The following PIK3C2G variants were observed in gnomAD, a reference collection of about 807,000 sequenced individuals.
PIK3C2G encodes phosphatidylinositol 3-kinase C2 domain-containing subunit gamma.
PIK3C2G carries 168 observed loss-of-function variants against 181.1 expected under a neutral mutation model. The observed-to-expected ratio is 0.93, with a 90% CI of 0.82 to 1.05. PIK3C2G has a LOEUF of 1.05. PIK3C2G is among the 50% of genes least tolerant of loss of function. PIK3C2G has a pLI of 0.00. For synonymous variants in PIK3C2G, 573 were observed against 592.2 expected (o/e 0.97, Z 0.47); for missense variants, 1,869 against 1,732.8 (o/e 1.08, Z -1.40).
At chr12:18,634,079 C>A (rs1205466504) in intron 31 of PIK3C2G, among the ~76,000 whole-genome samples, 1 of 152,142 alleles carries the variant, frequency 6.6e-6, no homozygotes. Context: ...GGCAAGGTAT[C>A]ACCACCTAAC....
At chr12:18,303,372 T>C (rs1950291023) in intron 5 of PIK3C2G, among the ~76,000 whole-genome samples, 1 of 151,428 alleles carries the variant, frequency 6.6e-6, no homozygotes, top group Admixed American at 6.6e-5. Flanking sequence ...TCTCACTCTG[T>C]CACCCAGGCT....
At chr12:18,504,998 T>C (rs1941728013) in intron 23 of PIK3C2G, among the ~76,000 whole-genome samples, 1 of 152,172 alleles carries the variant, frequency 6.6e-6, no homozygotes, top group Non-Finnish European at 1.5e-5. Context: ...AAAATGACAC[T>C]AGGAAACCTC....
intron 31 of PIK3C2G, among the ~76,000 whole-genome samples, chr12:18,637,400 A>ATTTT (rs35836229): frequency 3.4e-5 from 5 of 146,850 alleles, no homozygotes; most frequent in African/African-American, 1.0e-4. Context: ...TGACCTAGAT[A>ATTTT]TTTTTTTTTT....
intron 10 of PIK3C2G, 81 bp from the exon 11 acceptor site, chr12:18,346,560 T>C (rs1037718327): frequency 1.3e-6 from 1 of 760,952 alleles, no homozygotes; most frequent in Admixed American, 2.4e-5. Flanking sequence ...TTGTATTATA[T>C]GACATTTCAA....
chr12:18,435,396 A>G (rs1231108510), intron 18 of PIK3C2G, among the ~76,000 whole-genome samples: 1 of 151,444 alleles, frequency 6.6e-6, no homozygotes, highest in African/African-American at 2.4e-5. Context: ...CAGTCCATCC[A>G]TCCTCCACAC....
intron 24 of PIK3C2G, among the ~76,000 whole-genome samples, chr12:18,537,371 C>T (rs1441240487): frequency 7.2e-5 from 11 of 152,128 alleles, no homozygotes; most frequent in South Asian, 2.1e-4. Context: ...AGTGGTAATT[C>T]CTCCAACAGG....
chr12:18,570,336 G>GATATAGATAGATACATC (rs1555132238), intron 29 of PIK3C2G, among the ~76,000 whole-genome samples: 5 of 150,924 alleles, frequency 3.3e-5, no homozygotes, highest in African/African-American at 9.8e-5. Flanking sequence ...AGCCTCCCCA[G>GATATAGATAGATACATC]TAGCTGGGAT....
chr12:18,288,253 A>AGG (rs1278065273), intron 3 of PIK3C2G, among the ~76,000 whole-genome samples: 1 of 152,194 alleles, frequency 6.6e-6, no homozygotes, highest in East Asian at 1.9e-4. Context: ...TATAATAACT[A>AGG]TACATTTTTA....
chr12:18,524,026 C>A (rs1943076575), intron 24 of PIK3C2G, among the ~76,000 whole-genome samples: 1 of 152,186 alleles, frequency 6.6e-6, no homozygotes, highest in African/African-American at 2.4e-5. Flanking sequence ...AGATGAAGAG[C>A]AACCCCCACA....
intron 1 of PIK3C2G, among the ~76,000 whole-genome samples, chr12:18,254,991 G>A (rs2136965925): frequency 6.6e-6 from 1 of 152,150 alleles, no homozygotes; most frequent in African/African-American, 2.4e-5. Flanking sequence ...CACTTTGGGA[G>A]GCTGAGACGG....
chr12:18,584,514 G>A (rs114114375), intron 29 of PIK3C2G, among the ~76,000 whole-genome samples: 2,408 of 152,024 alleles, frequency 0.016, 67 homozygotes, highest in African/African-American at 0.054. Context: ...GAAAAGAAAC[G>A]AACAAAACCT....
At chr12:18,573,625 G>A (rs1025964485) in intron 29 of PIK3C2G, among the ~76,000 whole-genome samples, 1 of 152,100 alleles carries the variant, frequency 6.6e-6, no homozygotes, top group Admixed American at 6.5e-5. Flanking sequence ...AGTTTAAAAA[G>A]CAAATGTCTA....
the PIK3C2G span, chr12:18,719,388 C>T: frequency 8.3e-7 from 1 of 1,203,680 alleles, no homozygotes; most frequent in Non-Finnish European, 1.1e-6. Context: ...CAGGAACTTC[C>T]AAGTATTTTT....
chr12:18,357,127 C>A (rs1405472770), intron 11 of PIK3C2G, among the ~76,000 whole-genome samples: 2 of 152,084 alleles, frequency 1.3e-5, no homozygotes, highest in Non-Finnish European at 2.9e-5. Flanking sequence ...AAAGATATCT[C>A]AAAATGTTAA....
chr12:18,258,520 A>G (rs1404847854), upstream of PIK3C2G, among the ~76,000 whole-genome samples: 1 of 152,032 alleles, frequency 6.6e-6, no homozygotes, highest in African/African-American at 2.4e-5. Context: ...ACACATGAGT[A>G]AGATTATGTA....
intron 20 of PIK3C2G, chr12:18,493,723 A>G (rs1215986303): frequency 6.6e-6 from 1 of 152,254 alleles, no homozygotes; most frequent in Non-Finnish European, 1.5e-5. Context: ...TTTAATCAGC[A>G]TTCTATCACT....
intron 31 of PIK3C2G, among the ~76,000 whole-genome samples, chr12:18,614,960 T>A (rs1420202449): frequency 1.3e-5 from 2 of 152,048 alleles, no homozygotes; most frequent in Admixed American, 6.6e-5. Context: ...TAATTACTTT[T>A]CTTTTCTTTT....
At chr12:18,597,437 T>A (rs147260729) in intron 30 of PIK3C2G, among the ~76,000 whole-genome samples, 2 of 152,050 alleles carry the variant, frequency 1.3e-5, no homozygotes, top group East Asian at 3.8e-4. Flanking sequence ...ATAAAAATAA[T>A]AATATAAAGC....
chr12:18,268,095 A>AT (rs565579323), intron 1 of PIK3C2G, among the ~76,000 whole-genome samples: 109 of 151,984 alleles, frequency 7.2e-4, no homozygotes, highest in Middle Eastern at 3.4e-3. Flanking sequence ...TTTCTTTACC[A>AT]TTTTTTCAGG....
Sources: gnomAD v4.1 joint callset for allele counts (sites outside exome capture counted in the v4.1 genomes callset) on GRCh38, gnomAD v4.1.1 for gene constraint, MANE v1.5 for transcripts, NCBI Gene and HGNC (gene_info 2026-07-23, HGNC 2026-07-21) for gene names.